Variants in ALKBH3 observed in about 807,000 individuals in gnomAD.
ALKBH3 encodes alpha-ketoglutarate-dependent dioxygenase alkB homolog 3.
In ALKBH3, 51 loss-of-function variants were observed where a neutral mutation model predicts 43.9. That is an observed-to-expected ratio of 1.16 (90% CI 0.93 to 1.47). The LOEUF is 1.47. ALKBH3 is among the 40% of genes most tolerant of loss of function. The probability of loss-of-function intolerance (pLI) is 0.00; values close to 1 mark genes in which losing one functional copy is unlikely to be tolerated. For missense variants in ALKBH3, 361 were observed against 351.9 expected (o/e 1.03, Z -0.21); for synonymous variants, 102 against 115.2 (o/e 0.89, Z 0.73).
At chr11:43,893,536 A>G (rs1426823501) in intron 7 of ALKBH3, among the ~76,000 whole-genome samples, 1 of 152,150 alleles carries the variant, frequency 6.6e-6, no homozygotes, top group Non-Finnish European at 1.5e-5. Context: ...TAGAAACTGC[A>G]CATAAACAGG....
At chr11:43,906,479 C>G (rs927726166) in intron 8 of ALKBH3, among the ~76,000 whole-genome samples, 4 of 152,156 alleles carry the variant, frequency 2.6e-5, no homozygotes, top group Non-Finnish European at 5.9e-5. Context: ...CCAGCAGCCC[C>G]GCTGCTGCTA....
At chr11:43,900,625 C>G (rs994166704) in intron 7 of ALKBH3, among the ~76,000 whole-genome samples, 1 of 152,080 alleles carries the variant, frequency 6.6e-6, no homozygotes, top group Non-Finnish European at 1.5e-5. Context: ...AACAAAAGTT[C>G]TTTGGGCTCC....
intron 5 of ALKBH3, among the ~76,000 whole-genome samples, chr11:43,887,853 A>T (rs1314286645): frequency 6.6e-6 from 1 of 151,054 alleles, no homozygotes; most frequent in Non-Finnish European, 1.5e-5. Context: ...CAGTGGCGTG[A>T]TCTCCACTCA....
At chr11:43,887,435 G>A (rs2135178413) in intron 5 of ALKBH3, among the ~76,000 whole-genome samples, 1 of 152,234 alleles carries the variant, frequency 6.6e-6, no homozygotes, top group South Asian at 2.1e-4. Flanking sequence ...AGCCTCCCAA[G>A]TAGCTGGGAT....
At chr11:43,910,848 C>G (rs1951932883) in intron 8 of ALKBH3, among the ~76,000 whole-genome samples, 1 of 152,122 alleles carries the variant, frequency 6.6e-6, no homozygotes, top group Non-Finnish European at 1.5e-5. Flanking sequence ...GTCCATTACC[C>G]AGATGTCAGG....
intron 7 of ALKBH3, chr11:43,898,559 G>T (rs62621391): frequency 2.6e-6 from 2 of 767,720 alleles, no homozygotes; most frequent in Non-Finnish European, 2.4e-6. Context: ...GAGCTAAGGC[G>T]ATGTGAAGAG....
intron 6 of ALKBH3, among the ~76,000 whole-genome samples, chr11:43,890,951 A>G (rs1951779543): frequency 6.6e-6 from 1 of 152,222 alleles, no homozygotes; most frequent in South Asian, 2.1e-4. Flanking sequence ...ATCACTTATA[A>G]TACCTAATAC....
At chr11:43,912,871 C>T (rs1392439176) in intron 8 of ALKBH3, among the ~76,000 whole-genome samples, 4 of 152,116 alleles carry the variant, frequency 2.6e-5, no homozygotes, top group Non-Finnish European at 5.9e-5. Flanking sequence ...ACATTGTCCA[C>T]TGAGAGACAG....
At chr11:43,886,809 T>C (rs1344643479) in intron 5 of ALKBH3, among the ~76,000 whole-genome samples, 156 bp downstream of exon 5, 1 of 152,182 alleles carries the variant, frequency 6.6e-6, no homozygotes, top group Non-Finnish European at 1.5e-5. Context: ...TGCGGGAACA[T>C]GGATGGAACT....
intron 4 of ALKBH3, among the ~76,000 whole-genome samples, chr11:43,885,205 A>C (rs925498418): frequency 3.3e-5 from 5 of 152,170 alleles, no homozygotes; most frequent in African/African-American, 4.8e-5. Flanking sequence ...ACTCATTCCT[A>C]CTTGGTCCTA....
intron 8 of ALKBH3, among the ~76,000 whole-genome samples, chr11:43,914,832 A>G (rs377148134): frequency 1.1e-4 from 16 of 152,184 alleles, no homozygotes; most frequent in African/African-American, 2.9e-4. Flanking sequence ...TAACACCCCC[A>G]TAGAACAATG....
intron 8 of ALKBH3, among the ~76,000 whole-genome samples, chr11:43,906,682 A>G (rs375570036): frequency 6.6e-5 from 10 of 152,154 alleles, no homozygotes; most frequent in African/African-American, 2.2e-4. Context: ...CCCCATCTCT[A>G]TTTTTTTAAA....
At chr11:43,901,404 T>C in intron 7 of ALKBH3, 112 bp from the exon 8 acceptor site, 1 of 1,189,112 alleles carries the variant, frequency 8.4e-7, no homozygotes, top group Non-Finnish European at 1.2e-6. Context: ...GCTTATTACA[T>C]GCCCTGGTTA....
rs1384947371 is a variant in ALKBH3, at chr11:43,882,618, T to C, written c.-35T>C. ...GTAGTTTGAAACAGGAACAAAATCT[T>C]CTGAAAGCTCGGAGCAGAAGCCTTT... On this transcript the variant is annotated 5_prime_UTR_variant, in exon 2 of 10. Coordinates refer to ENST00000302708, the MANE Select transcript of ALKBH3 (RefSeq NM_139178.4). 6 of 1,588,900 alleles carry C rather than the reference T, an allele frequency of 3.8e-6. No homozygotes were observed. Among genetic ancestry groups the C allele is most frequent in the Non-Finnish European group, 5.1e-6 (6 of 1,171,118 alleles).
chr11:43,887,364 A>G (rs1951753476), intron 5 of ALKBH3, among the ~76,000 whole-genome samples: 1 of 152,066 alleles, frequency 6.6e-6, no homozygotes. Context: ...CTGGAGTGCA[A>G]TGGTGCTATC....
chr11:43,910,882 T>C (rs1590379740), intron 8 of ALKBH3, among the ~76,000 whole-genome samples: 1 of 152,312 alleles, frequency 6.6e-6, no homozygotes, highest in Non-Finnish European at 1.5e-5. Flanking sequence ...AACAGTTCTT[T>C]CCTGCCTCTC....
intron 9 of ALKBH3, 39 bp downstream of exon 9, chr11:43,919,175 G>T: frequency 1.3e-6 from 2 of 1,537,604 alleles, no homozygotes; most frequent in Non-Finnish European, 1.8e-6. Context: ...CTTTCATGTG[G>T]AGGCAGTTTC....
chr11:43,917,138 T>G (rs1221982972), intron 8 of ALKBH3, among the ~76,000 whole-genome samples: 1 of 152,208 alleles, frequency 6.6e-6, no homozygotes, highest in Non-Finnish European at 1.5e-5. Context: ...AAAACCAACC[T>G]GAGACTTTCT....
intron 7 of ALKBH3, among the ~76,000 whole-genome samples, chr11:43,895,745 G>A (rs1331989516): frequency 1.3e-5 from 2 of 152,204 alleles, no homozygotes; most frequent in African/African-American, 2.4e-5. Context: ...GGTGGATAAA[G>A]CTGCCAGCAC....
Sources: allele counts gnomAD v4.1 joint callset (sites outside exome capture counted in the v4.1 genomes callset), GRCh38; gene constraint gnomAD v4.1.1; transcripts MANE v1.5; gene names NCBI Gene and HGNC (gene_info 2026-07-23, HGNC 2026-07-21).